Variants in KIAA2012 observed in about 807,000 individuals in gnomAD.
KIAA2012 encodes KIAA2012.
A neutral mutation model predicts 150.6 loss-of-function variants in KIAA2012; 125 were observed. That is an observed-to-expected ratio of 0.83 (90% CI 0.72 to 0.96). The LOEUF (loss-of-function observed/expected upper bound fraction) is 0.96. Among genes scored for constraint, KIAA2012 ranks in the 40% least tolerant of loss-of-function variants. KIAA2012 has a pLI of 0.00. For synonymous variants in KIAA2012, 462 were observed against 504.7 expected, an observed-to-expected ratio of 0.92 and a Z score of 1.13; for missense variants, 1,219 against 1,354.9, an observed-to-expected ratio of 0.90 and a Z score of 1.57.
intron 12 of KIAA2012, among the ~76,000 whole-genome samples, chr2:202,131,546 AG>A (rs1410263718): frequency 3.3e-5 from 5 of 152,242 alleles, no homozygotes; most frequent in Non-Finnish European, 7.3e-5. Flanking sequence ...ACAAAAATAC[AG>A]TTGAGAGACC....
intron 2 of KIAA2012, among the ~76,000 whole-genome samples, chr2:202,087,510 CAA>C (rs59728832): frequency 0.043 from 2,226 of 52,330 alleles, 7 homozygotes; most frequent in Admixed American, 0.075. Flanking sequence ...GAAACCATCT[CAA>C]AAAAAAAAAA....
chr2:202,074,710 A>C (rs1168338306), intron 1 of KIAA2012, among the ~76,000 whole-genome samples, 181 bp from the exon 2 acceptor site: 1 of 152,214 alleles, frequency 6.6e-6, no homozygotes, highest in Non-Finnish European at 1.5e-5. Context: ...GGGTTCTACT[A>C]ATTTTGAAAT....
chr2:202,180,125 G>C (rs895287741), intron 15 of KIAA2012, among the ~76,000 whole-genome samples: 3 of 152,078 alleles, frequency 2.0e-5, no homozygotes, highest in Non-Finnish European at 4.4e-5. Context: ...TACAAAATTA[G>C]CCGGGCATGG....
chr2:202,179,227 A>T, intron 15 of KIAA2012: 1 of 688,766 alleles, frequency 1.5e-6, no homozygotes, highest in Non-Finnish European at 2.6e-6. Flanking sequence ...TTTTCTAGGG[A>T]ACAATTTGGC....
chr2:202,161,040 C>G lies in KIAA2012; in HGVS notation c.2047-4244C>G, dbSNP rs372113944. On this transcript the variant is annotated intron_variant, in intron 14 of 23. Transcript: ENST00000498697. ...TGCATGAGAGTGGAGGGCAGGATGGCTGGAAGGTTTTCCAAGGAAAAGATA... is the reference window on the plus strand; with the variant it reads ...TGCATGAGAGTGGAGGGCAGGATGGGTGGAAGGTTTTCCAAGGAAAAGATA... 6.6e-5 allele frequency among the ~76,000 whole-genome samples: 10 copies of G among 152,240 alleles called. No individual in the cohort carries two copies. The East Asian group carries it at 1.9e-3, about 29-fold the overall frequency.
At chr2:202,154,607 G>T in intron 13 of KIAA2012, 66 bp from the exon 14 acceptor site, 1 of 1,381,206 alleles carries the variant, frequency 7.2e-7, no homozygotes, top group South Asian at 1.5e-5. Context: ...TTGGGGATTT[G>T]GACTAGCTCT....
chr2:202,145,924 A>G (rs1474374710), intron 13 of KIAA2012, among the ~76,000 whole-genome samples: 1 of 151,926 alleles, frequency 6.6e-6, no homozygotes, highest in Non-Finnish European at 1.5e-5. Context: ...ACCTCAGGTG[A>G]TCCACCCACC....
rs541744773 is a variant in KIAA2012, at chr2:202,181,278, T to G, written c.2120-3475T>G. On this transcript the variant is annotated intron_variant, in intron 15 of 23. Transcript: ENST00000498697. ...AGCTACCACATCTAGCCTAAAATCA[T>G]TTTTAAGAACATTTAGGCCAGGCGT... 2.0e-5 allele frequency among the ~76,000 whole-genome samples: 3 copies of G among 152,320 alleles called. No homozygotes were observed. In the East Asian group the frequency reaches 5.8e-4, roughly 29 times the overall value.
Position 202,151,938 on chromosome 2 carries a change from A to T in KIAA2012, c.1909-2735A>T, listed in dbSNP as rs550989710. ...ACCACACCCAGCTAATTTTCTTTAA[A>T]TTTTTTTGTAAAGACAGGATCTCAC... is the stretch of plus-strand genomic sequence containing the variant. On this transcript the variant is annotated intron_variant, in intron 13 of 23. Transcript: ENST00000498697. Among the ~76,000 whole-genome samples, 12 of 151,776 alleles carry T rather than the reference A, an allele frequency of 7.9e-5. No homozygotes were observed. In the East Asian group the frequency reaches 2.1e-3, roughly 27 times the overall value.
intron 23 of KIAA2012, among the ~76,000 whole-genome samples, chr2:202,204,317 T>A (rs1405779750): frequency 1.3e-5 from 2 of 152,170 alleles, no homozygotes; most frequent in African/African-American, 4.8e-5. Context: ...GCTCGAGTTA[T>A]CTGCCCACCT....
At chr2:202,107,732 G>A (rs994959976) in intron 9 of KIAA2012, among the ~76,000 whole-genome samples, 1 of 152,152 alleles carries the variant, frequency 6.6e-6, no homozygotes, top group Non-Finnish European at 1.5e-5. Flanking sequence ...AGTTCCAGCT[G>A]GGCGCAGTGG....
intron 20 of KIAA2012, among the ~76,000 whole-genome samples, chr2:202,193,971 A>C (rs949356407): frequency 6.6e-6 from 1 of 152,214 alleles, no homozygotes; most frequent in Non-Finnish European, 1.5e-5. Flanking sequence ...CAGAGCACAG[A>C]GCTGTGTACT....
In KIAA2012 at chr2:202,194,232, G is replaced by A; in HGVS notation, c.3057G>A (p.Glu1019=). ...TCCAAGAAGAACAGCAGCGGCAGGA[G>A]GAGGAGGAGAGAAAGCAGCAGCTCC... ...QRLQEEQQRQ[E]EEERKQQLRL... is the part of the protein sequence containing the mutation. Residue 1019 remains glutamate (E), a synonymous_variant, in exon 21 of 24, where the codon GAG becomes GAA. Coordinates refer to ENST00000498697, the MANE Select transcript of KIAA2012 (RefSeq NM_001277372.4). The A allele has an allele frequency of 6.4e-7, 1 of 1,550,656 alleles. No homozygotes were observed. The highest frequency in any genetic ancestry group is 1.2e-5 in the South Asian group (1 of 84,050).
At chr2:202,145,678 C>CTTTTT (rs36059685) in intron 13 of KIAA2012, among the ~76,000 whole-genome samples, 143 of 75,302 alleles carry the variant, frequency 1.9e-3, no homozygotes, top group East Asian at 2.4e-3. Flanking sequence ...TTGAGAGGGT[C>CTTTTT]TTTTTTTTTT....
At chr2:202,078,644 C>T (rs905966766) in intron 2 of KIAA2012, among the ~76,000 whole-genome samples, 1 of 152,012 alleles carries the variant, frequency 6.6e-6, no homozygotes, top group African/African-American at 2.4e-5. Flanking sequence ...ATAAAAATAC[C>T]AGTGTTCATT....
intron 14 of KIAA2012, among the ~76,000 whole-genome samples, chr2:202,162,543 G>A (rs1160815588): frequency 3.3e-5 from 5 of 150,746 alleles, no homozygotes; most frequent in African/African-American, 4.9e-5. Context: ...CTAAAGTGCT[G>A]GGATTATAGG....
In KIAA2012 at chr2:202,135,898, T is replaced by C. The variant is rs144699300; in HGVS notation, c.1832-2534T>C. The C allele has an allele frequency of 1.7e-3, 318 of 184,236 alleles. 2 individuals are homozygous for C. Among genetic ancestry groups the C allele is most frequent in the African/African-American group, 7.0e-3 (296 of 42,328 alleles). The allele number at this position is 184,236 out of a possible 1,614,324, so 11.4% of individuals were successfully genotyped here. On this transcript the variant is annotated intron_variant, in intron 12 of 23. Coordinates refer to ENST00000498697, the MANE Select transcript of KIAA2012 (RefSeq NM_001277372.4). ...ACACTAAGTCAGGACATCTGGGTTC[T>C]GGGTCCTGGTCTTGTGTTATTTCAA...
chr2:202,154,938 A>G, intron 14 of KIAA2012, 128 bp downstream of exon 14: 1 of 1,084,698 alleles, frequency 9.2e-7, no homozygotes. Flanking sequence ...CAGAAGGGAC[A>G]GAAAATAGGC....
intron 2 of KIAA2012, among the ~76,000 whole-genome samples, chr2:202,083,082 TC>T (rs1488258246): frequency 6.6e-6 from 1 of 152,182 alleles, no homozygotes; most frequent in Non-Finnish European, 1.5e-5. Context: ...GCTGGTCAAA[TC>T]TTTGATGCTG....
Sources: allele counts gnomAD v4.1 joint callset (sites outside exome capture counted in the v4.1 genomes callset), GRCh38; gene constraint gnomAD v4.1.1; transcripts MANE v1.5; gene names NCBI Gene and HGNC (gene_info 2026-07-23, HGNC 2026-07-21).